The following ABCC8 variants were observed in gnomAD, a reference collection of about 807,000 sequenced individuals.
ABCC8 encodes the protein ATP binding cassette subfamily C member 8.
ABCC8 carries 137 observed loss-of-function variants against 188.0 expected under a neutral mutation model. That is an observed-to-expected ratio of 0.73 (90% CI 0.63 to 0.84). The LOEUF is 0.84. ABCC8 is among the 40% of genes least tolerant of loss of function. The probability of loss-of-function intolerance (pLI) is 0.00; values close to 1 mark genes in which losing one functional copy is unlikely to be tolerated. For missense variants in ABCC8, 1,750 were observed against 2,072.7 expected, an observed-to-expected ratio of 0.84 and a Z score of 3.02; for synonymous variants, 797 against 846.5, an observed-to-expected ratio of 0.94 and a Z score of 1.01.
chr11:17,395,451 C>T (rs1953865875), intron 35 of ABCC8, 159 bp downstream of exon 35: 4 of 1,468,850 alleles, frequency 2.7e-6, no homozygotes, highest in Non-Finnish European at 3.6e-6. Flanking sequence ...GGGGGATCCC[C>T]TTCCAGAGGC....
chr11:17,474,161 C>T lies in ABCC8; in HGVS notation c.290+725G>A, dbSNP rs554290836. On this transcript the variant is annotated intron_variant, in intron 2 of 38. Transcript: ENST00000389817. Reference sequence around the variant, plus strand: ...TGCCTTCCTCTCACCTCCCAGAGTACTTATTTGTAACATGGTTTCATTCAT... The same window carrying T: ...TGCCTTCCTCTCACCTCCCAGAGTATTTATTTGTAACATGGTTTCATTCAT... Among the ~76,000 whole-genome samples, 35 of 152,278 alleles carry T rather than the reference C, an allele frequency of 2.3e-4. No homozygotes were observed. In the Middle Eastern group the frequency reaches 0.02, roughly 89 times the overall value.
At chr11:17,421,556 C>T (rs1180752115) in intron 16 of ABCC8, among the ~76,000 whole-genome samples, 2 of 152,118 alleles carry the variant, frequency 1.3e-5, no homozygotes, top group Non-Finnish European at 2.9e-5. Context: ...AGAATCTTTC[C>T]CAGGAGACAG....
chr11:17,394,995 C>A, intron 36 of ABCC8, 177 bp downstream of exon 36: 2 of 763,754 alleles, frequency 2.6e-6, no homozygotes, highest in Non-Finnish European at 4.3e-6. Context: ...GTTGTGTGAC[C>A]TGGGGCAAGA....
intron 10 of ABCC8, chr11:17,435,696 G>A: frequency 7.2e-7 from 1 of 1,381,806 alleles, no homozygotes; most frequent in Non-Finnish European, 1.0e-6. Flanking sequence ...GCCCTACAGA[G>A]GACAGTACAG....
At position 17,432,196 on chromosome 11, in the gene ABCC8, C is replaced by A. The variant is rs962553311; in HGVS notation, c.1671+8G>T. The A allele has an allele frequency of 3.2e-6, 5 of 1,552,624 alleles. No homozygotes were observed. The highest frequency in any genetic ancestry group is 4.4e-6 in the Non-Finnish European group (5 of 1,147,376). On this transcript the variant is annotated splice_region_variant and intron_variant, in intron 11 of 38. Transcript: ENST00000389817. ...TACCCCCAAGAGATGGAGAAAGGAT[C>A]CACTTACTATGAGGACAGCTGCAAT...
At chr11:17,407,670 C>T (rs1954609947) in intron 23 of ABCC8, among the ~76,000 whole-genome samples, 1 of 152,206 alleles carries the variant, frequency 6.6e-6, no homozygotes. Context: ...GGGAACCACT[C>T]TTCCCCTGTT....
intron 10 of ABCC8, among the ~76,000 whole-genome samples, chr11:17,439,568 G>A (rs1464531225): frequency 6.6e-6 from 1 of 152,078 alleles, no homozygotes; most frequent in South Asian, 2.1e-4. Flanking sequence ...GCAGCCAGGA[G>A]GTACCCTGCA....
intron 28 of ABCC8, among the ~76,000 whole-genome samples, chr11:17,403,844 T>C (rs796224446): frequency 3.9e-5 from 6 of 152,366 alleles, no homozygotes; most frequent in African/African-American, 1.4e-4. Context: ...CATGACCCAC[T>C]GATGGGCTGT....
intron 8 of ABCC8, among the ~76,000 whole-genome samples, chr11:17,446,812 T>A (rs1162517363): frequency 1.3e-5 from 2 of 152,132 alleles, no homozygotes; most frequent in Non-Finnish European, 2.9e-5. Flanking sequence ...TCTCCCCTTT[T>A]TTTCTTTTAA....
At chr11:17,429,509 G>A (rs1198949914) in intron 12 of ABCC8, 2 of 152,216 alleles carry the variant, frequency 1.3e-5, no homozygotes, top group Non-Finnish European at 2.9e-5. Flanking sequence ...CTCATCTCTT[G>A]GGGTGAAGCT....
At position 17,467,577 on chromosome 11, in the gene ABCC8, A is replaced by G. The variant is rs115944330; in HGVS notation, c.412+2524T>C. Among the ~76,000 whole-genome samples, 1,026 of 152,344 alleles carry G rather than the reference A, an allele frequency of 6.7e-3. 11 individuals are homozygous for G. Among genetic ancestry groups the G allele is most frequent in the African/African-American group, 0.022 (919 of 41,572 alleles). Reference sequence around the variant, plus strand: ...GTTAGTTCCTTCAGTTCTCAGCTCAAATATGACTTTTTCAGAGAACATTTC... The same window carrying G: ...GTTAGTTCCTTCAGTTCTCAGCTCAGATATGACTTTTTCAGAGAACATTTC... On this transcript the variant is annotated intron_variant, in intron 3 of 38. Transcript: ENST00000389817.
At chr11:17,424,388 C>T (rs962776657) in intron 16 of ABCC8, among the ~76,000 whole-genome samples, 2 of 152,150 alleles carry the variant, frequency 1.3e-5, no homozygotes, top group South Asian at 4.2e-4. Context: ...TCCTTGTGTT[C>T]CCTGGGCTGG....
At chr11:17,446,868 T>C (rs1956552669) in intron 8 of ABCC8, among the ~76,000 whole-genome samples, 1 of 152,144 alleles carries the variant, frequency 6.6e-6, no homozygotes, top group Non-Finnish European at 1.5e-5. Flanking sequence ...CCAATACAAA[T>C]CACTGGAGAT....
At chr11:17,451,087 C>A (rs1013254553) in intron 7 of ABCC8, among the ~76,000 whole-genome samples, 1 of 152,112 alleles carries the variant, frequency 6.6e-6, no homozygotes, top group African/African-American at 2.4e-5. Flanking sequence ...TTGATAAAAA[C>A]GATTATATGC....
At chr11:17,432,459 C>A in intron 10 of ABCC8, 1 of 1,002,376 alleles carries the variant, frequency 1.0e-6, no homozygotes, top group Non-Finnish European at 1.4e-6. Context: ...GCCCCCGACT[C>A]TGGGGCTTAA....
At chr11:17,422,938 G>A (rs1489575532) in intron 16 of ABCC8, among the ~76,000 whole-genome samples, 1 of 151,964 alleles carries the variant, frequency 6.6e-6, no homozygotes, top group East Asian at 1.9e-4. Context: ...TTTTCTACTT[G>A]ATGAAACCAC....
intron 12 of ABCC8, chr11:17,428,928 G>C (rs1240197252): frequency 1.7e-6 from 1 of 591,624 alleles, no homozygotes; most frequent in Admixed American, 3.1e-5. Context: ...GGTTAATGTT[G>C]AAGTTAGTTA....
intron 31 of ABCC8, 131 bp downstream of exon 31, chr11:17,397,553 A>T (rs2133410266): frequency 6.9e-7 from 1 of 1,439,206 alleles, no homozygotes; most frequent in Non-Finnish European, 9.4e-7. Flanking sequence ...TCCTGCCCGC[A>T]CTGTCCCTCT....
intron 8 of ABCC8, among the ~76,000 whole-genome samples, chr11:17,446,840 C>T (rs1032663510): frequency 2.0e-5 from 3 of 152,136 alleles, no homozygotes; most frequent in African/African-American, 7.2e-5. Flanking sequence ...AAACTCTAAG[C>T]TTTACAAGTA....
Sources: gnomAD v4.1 joint callset for allele counts (sites outside exome capture counted in the v4.1 genomes callset) on GRCh38, gnomAD v4.1.1 for gene constraint, MANE v1.5 for transcripts, NCBI Gene and HGNC (gene_info 2026-07-23, HGNC 2026-07-21) for gene names.